Variants in CCDC7 observed in about 807,000 individuals in gnomAD.
CCDC7 encodes the protein coiled-coil domain-containing protein 7.
Under a neutral mutation model 196.9 loss-of-function variants are expected in CCDC7, and 183 were observed. The ratio of observed to expected loss-of-function variants is 0.93; its 90% confidence interval spans 0.82 to 1.05. CCDC7 has a LOEUF of 1.05. Ranked by LOEUF, CCDC7 falls within the 50% of genes least tolerant of loss-of-function variation. The pLI, the probability that CCDC7 is intolerant of heterozygous loss-of-function variation, is 0.00. For synonymous variants in CCDC7, 525 were observed against 484.6 expected, an observed-to-expected ratio of 1.08 and a Z score of -1.10; for missense variants, 1,540 against 1,482.2, an observed-to-expected ratio of 1.04 and a Z score of -0.64.
intron 28 of CCDC7, among the ~76,000 whole-genome samples, chr10:32,760,373 A>G (rs2077243147): frequency 6.6e-6 from 1 of 152,076 alleles, no homozygotes; most frequent in Non-Finnish European, 1.5e-5. Context: ...AGACTGGATT[A>G]AGAAAATGTG....
chr10:32,842,683 G>C (rs1565679129), intron 33 of CCDC7, among the ~76,000 whole-genome samples: 1 of 152,050 alleles, frequency 6.6e-6, no homozygotes, highest in Admixed American at 6.6e-5. Flanking sequence ...CAAAAATATG[G>C]AATCAGCCCA....
Position 32,814,353 on chromosome 10 carries a change from C to G in CCDC7, c.3098-17C>G. Reference sequence around the variant, plus strand: ...ATGATTACCTTACAGTGTTTTGATACCTGTTTATTTCTATAGGGCCTGATA... The same window carrying G: ...ATGATTACCTTACAGTGTTTTGATAGCTGTTTATTTCTATAGGGCCTGATA... On this transcript the variant is annotated splice_polypyrimidine_tract_variant and intron_variant, in intron 30 of 41. Coordinates refer to ENST00000639629, the Ensembl canonical transcript of CCDC7. 1 of 1,512,478 alleles carries G rather than the reference C, an allele frequency of 6.6e-7. No individual in the cohort carries two copies. The allele number at this position is 1,512,478 out of a possible 1,614,324, so 93.7% of individuals were successfully genotyped here.
At chr10:32,665,485 A>T (rs948954903) in intron 21 of CCDC7, among the ~76,000 whole-genome samples, 24 of 152,008 alleles carry the variant, frequency 1.6e-4, no homozygotes, top group African/African-American at 5.8e-4. Flanking sequence ...TGATTTTTGT[A>T]TATAGTGTGA....
intron 8 of CCDC7, among the ~76,000 whole-genome samples, chr10:32,477,814 C>G (rs766771225): frequency 2.0e-5 from 3 of 152,096 alleles, no homozygotes; most frequent in Non-Finnish European, 4.4e-5. Context: ...ATTGTGTTGA[C>G]TTCTCTGGGT....
intron 9 of CCDC7, among the ~76,000 whole-genome samples, chr10:32,504,803 G>A (rs193158162): frequency 6.6e-6 from 1 of 152,262 alleles, no homozygotes; most frequent in African/African-American, 2.4e-5. Flanking sequence ...AGTATATTAA[G>A]ACATGTTTTG....
At chr10:32,646,162 A>T (rs1273449472) in intron 20 of CCDC7, among the ~76,000 whole-genome samples, 1 of 141,034 alleles carries the variant, frequency 7.1e-6, no homozygotes, top group Non-Finnish European at 1.6e-5. Flanking sequence ...GTAGGTGTTT[A>T]TTGCTATAAA....
chr10:32,682,227 T>C (rs1179699296), intron 21 of CCDC7, among the ~76,000 whole-genome samples: 1 of 152,190 alleles, frequency 6.6e-6, no homozygotes, highest in Non-Finnish European at 1.5e-5. Context: ...TTTGTGTCCA[T>C]GTGTACTCAA....
chr10:32,581,495 G>T (rs998843650), intron 16 of CCDC7, among the ~76,000 whole-genome samples: 1 of 151,532 alleles, frequency 6.6e-6, no homozygotes, highest in Non-Finnish European at 1.5e-5. Flanking sequence ...AATCAGTAGG[G>T]CTTTGAAAGT....
chr10:32,461,085 TG>T (rs1216405671), intron 3 of CCDC7, among the ~76,000 whole-genome samples: 2 of 152,212 alleles, frequency 1.3e-5, no homozygotes, highest in Non-Finnish European at 2.9e-5. Context: ...GTGGGGTTTT[TG>T]TTTTTGTAGC....
At chr10:32,701,493 G>C (rs1390949931) in intron 24 of CCDC7, among the ~76,000 whole-genome samples, 1 of 152,020 alleles carries the variant, frequency 6.6e-6, no homozygotes, top group Non-Finnish European at 1.5e-5. Flanking sequence ...TTGGTTGTGT[G>C]TCTGCCAGGC....
chr10:32,453,111 TAG>T (rs1030768321), intron 1 of CCDC7, among the ~76,000 whole-genome samples: 3 of 152,106 alleles, frequency 2.0e-5, no homozygotes, highest in African/African-American at 7.2e-5. Flanking sequence ...ACAGAAATGG[TAG>T]AGTCATAGAG....
At position 32,664,171 on chromosome 10, in the gene CCDC7, A is replaced by AG. The variant is rs1565029059; in HGVS notation, c.2122+10_2122+11insG. On this transcript the variant is annotated intron_variant, in intron 21 of 41. Transcript: ENST00000639629. Reference sequence around the variant, plus strand: ...GATAATCAACTCAGTAGTAAGTGTAATAATTGTAGATAACCTTAAAATAAT... The same window carrying AG: ...GATAATCAACTCAGTAGTAAGTGTAAGTAATTGTAGATAACCTTAAAATAAT... 2.5e-6 allele frequency: 1 copy of AG among 394,998 alleles called. No homozygotes were observed. The highest frequency in any genetic ancestry group is 4.5e-6 in the Non-Finnish European group (1 of 223,358). The allele number at this position is 394,998 out of a possible 1,614,324, so 24.5% of individuals were successfully genotyped here. A position where few individuals can be genotyped will look rare whatever the true frequency, so the allele number is the denominator to read the frequency against.
chr10:32,760,214 A>G (rs983147885), intron 28 of CCDC7, among the ~76,000 whole-genome samples: 1 of 152,084 alleles, frequency 6.6e-6, no homozygotes, highest in African/African-American at 2.4e-5. Context: ...AGAACTAGAA[A>G]TACCATTTGA....
At chr10:32,667,110 A>C (rs2072955719) in intron 21 of CCDC7, among the ~76,000 whole-genome samples, 1 of 151,990 alleles carries the variant, frequency 6.6e-6, no homozygotes, top group Non-Finnish European at 1.5e-5. Flanking sequence ...TTTGATTTGC[A>C]TTTCTCTGAT....
chr10:32,841,639 A>T (rs191963152), intron 33 of CCDC7, among the ~76,000 whole-genome samples: 1 of 152,094 alleles, frequency 6.6e-6, no homozygotes, highest in Non-Finnish European at 1.5e-5. Flanking sequence ...GAACCAAAAA[A>T]AGCCCACATA....
At chr10:32,609,576 A>G (rs1352125379) in intron 18 of CCDC7, among the ~76,000 whole-genome samples, 3 of 152,140 alleles carry the variant, frequency 2.0e-5, no homozygotes, top group Non-Finnish European at 4.4e-5. Flanking sequence ...TTTATATTCA[A>G]GGTTACTGTT....
chr10:32,445,011 G>A (rs2030636841), upstream of CCDC7, among the ~76,000 whole-genome samples: 2 of 152,074 alleles, frequency 1.3e-5, no homozygotes, highest in Middle Eastern at 3.4e-3. Flanking sequence ...CCGCCATCAC[G>A]CCCGGCTAAT....
At chr10:32,858,494 A>G (rs1490858174) in intron 41 of CCDC7, among the ~76,000 whole-genome samples, 1 of 152,178 alleles carries the variant, frequency 6.6e-6, no homozygotes, top group Non-Finnish European at 1.5e-5. Context: ...AGTGGGATCT[A>G]TTGCTGACAT....
At position 32,791,292 on chromosome 10, in the gene CCDC7, A is replaced by G. The variant is rs1321425001; in HGVS notation, c.3013+12208A>G. ...ATAAGTTTGGAAAGGAGACTGCTCT[A>G]ACAGTGTGCAGACCTCAACACAGGT... On this transcript the variant is annotated intron_variant, in intron 29 of 41. Transcript: ENST00000639629. Among the ~76,000 whole-genome samples the G allele has an allele frequency of 2.0e-5, 3 of 152,156 alleles. No individual in the cohort carries two copies. In the East Asian group the frequency reaches 5.8e-4, roughly 29 times the overall value.
Sources: gnomAD v4.1 joint callset for allele counts (sites outside exome capture counted in the v4.1 genomes callset) on GRCh38, gnomAD v4.1.1 for gene constraint, MANE v1.5 for transcripts, NCBI Gene and HGNC (gene_info 2026-07-23, HGNC 2026-07-21) for gene names.